Variants in R3HDM1 observed in about 807,000 individuals in gnomAD.
R3HDM1 encodes the protein R3H domain-containing protein 1.
In R3HDM1, 46 loss-of-function variants were observed where a neutral mutation model predicts 141.1. That is an observed-to-expected ratio of 0.33 (90% CI 0.26 to 0.42). R3HDM1 has a LOEUF of 0.42. Ranked by LOEUF, R3HDM1 falls within the 10% of genes least tolerant of loss-of-function variation. The pLI is 1.00. For synonymous variants in R3HDM1, 435 were observed against 472.9 expected, an observed-to-expected ratio of 0.92 and a Z score of 1.04; for missense variants, 1,184 against 1,368.3, an observed-to-expected ratio of 0.87 and a Z score of 2.12.
chr2:135,592,321 C>T (rs58102824), intron 1 of R3HDM1, among the ~76,000 whole-genome samples: 14,191 of 152,246 alleles, frequency 0.093, 914 homozygotes, highest in South Asian at 0.31. Context: ...TTCCATTACA[C>T]AATATCTTAT....
intron 1 of R3HDM1, among the ~76,000 whole-genome samples, chr2:135,580,905 C>A (rs1706659326): frequency 6.6e-6 from 1 of 152,112 alleles, no homozygotes; most frequent in Non-Finnish European, 1.5e-5. Flanking sequence ...TGTCTTATTT[C>A]TTTCCCTGGC....
intron 18 of R3HDM1, among the ~76,000 whole-genome samples, chr2:135,654,865 TGTGTGTG>T (rs1458146937): frequency 1.7e-5 from 1 of 58,262 alleles, no homozygotes; most frequent in Non-Finnish European, 2.6e-5. Context: ...GTATATAAAG[TGTGTGTG>T]TGTGTGTGTG....
intron 1 of R3HDM1, among the ~76,000 whole-genome samples, chr2:135,549,561 CAAAAAA>C (rs1236257586): frequency 1.5e-5 from 1 of 67,478 alleles, no homozygotes; most frequent in African/African-American, 5.0e-5. Flanking sequence ...AACTCTGCCT[CAAAAAA>C]AAAAAAAAAA....
intron 23 of R3HDM1, among the ~76,000 whole-genome samples, chr2:135,714,810 A>T (rs2076006630): frequency 6.6e-6 from 1 of 152,120 alleles, no homozygotes; most frequent in Admixed American, 6.6e-5. Context: ...AGTGTAATAA[A>T]AGTTAAGATC....
intron 25 of R3HDM1, 27 bp downstream of exon 25, chr2:135,722,033 C>T (rs1424526409): frequency 6.3e-7 from 1 of 1,586,732 alleles, no homozygotes; most frequent in East Asian, 2.2e-5. Context: ...ACCTCCTAGG[C>T]TTTGTTGCAG....
At chr2:135,721,884 G>A (rs770853917) in intron 24 of R3HDM1, 40 bp from the exon 25 acceptor site, 5 of 1,567,876 alleles carry the variant, frequency 3.2e-6, no homozygotes, top group Middle Eastern at 1.7e-4. Context: ...CACCGTGCCC[G>A]GCCTCTGGCA....
At chr2:135,578,728 A>G (rs1273050689) in intron 1 of R3HDM1, among the ~76,000 whole-genome samples, 1 of 152,262 alleles carries the variant, frequency 6.6e-6, no homozygotes, top group Admixed American at 6.5e-5. Flanking sequence ...TATTGTAAGT[A>G]GTAAATGTGT....
At position 135,563,318 on chromosome 2, in the gene R3HDM1, T is replaced by C. The variant is rs1461945916; in HGVS notation, c.-250+31685T>C. On this transcript the variant is annotated intron_variant, in intron 1 of 26. Coordinates refer to ENST00000683871, the MANE Select transcript of R3HDM1 (RefSeq NM_001378107.1). ...AAAGCAAGAAAAATCTTCTTTTTTC[T>C]AAAAACTTTGGTGCATTTCCTGATT... Among the ~76,000 whole-genome samples, 5 of 152,366 alleles carry C rather than the reference T, an allele frequency of 3.3e-5. No individual in the cohort carries two copies. The East Asian group carries it at 7.7e-4, about 23-fold the overall frequency.
intron 1 of R3HDM1, among the ~76,000 whole-genome samples, chr2:135,548,322 C>T (rs181207902): frequency 9.2e-5 from 14 of 152,244 alleles, no homozygotes; most frequent in Admixed American, 5.9e-4. Flanking sequence ...ATGTTTTATG[C>T]ATTTTAAATT....
At chr2:135,693,226 G>A (rs1403262124) in intron 21 of R3HDM1, among the ~76,000 whole-genome samples, 6 of 152,196 alleles carry the variant, frequency 3.9e-5, no homozygotes, top group African/African-American at 1.4e-4. Flanking sequence ...AGTGTTCTTT[G>A]TCATCAAGTT....
chr2:135,710,208 A>G lies in R3HDM1; in HGVS notation c.2713A>G (p.Ser905Gly), dbSNP rs1423902344. 1.2e-6 allele frequency: 2 copies of G among 1,614,054 alleles called. No individual in the cohort carries two copies. Among genetic ancestry groups the G allele is most frequent in the Admixed American group, 3.3e-5 (2 of 59,992 alleles). ...GAGAGGACAGAAGTGTGTAGAATTTAGCAGTGTAGACAATATTGTCCAGGT... is the reference window on the plus strand; with the variant it reads ...GAGAGGACAGAAGTGTGTAGAATTTGGCAGTGTAGACAATATTGTCCAGGT... ...HQRGQKCVEFSSVDNIVQHSP... is the reference protein window; with the variant it reads ...HQRGQKCVEFGSVDNIVQHSP... The change falls in exon 23 of 27, where the codon AGC becomes GGC. Residue 905 changes from serine (S) to glycine (G), a missense_variant. By Grantham distance (56) the Ser-to-Gly change is moderately conservative. Around this residue, in one of 5 missense-constraint regions of R3HDM1, gnomAD observed 563 missense variants for 562.0 expected, o/e 1.00. Coordinates refer to ENST00000683871, the MANE Select transcript of R3HDM1 (RefSeq NM_001378107.1).
intron 11 of R3HDM1, 54 bp from the exon 12 acceptor site, chr2:135,638,564 C>T (rs2063484235): frequency 6.6e-7 from 1 of 1,506,408 alleles, no homozygotes; most frequent in South Asian, 1.1e-5. Flanking sequence ...TTACAGATGG[C>T]ATTACGTTAT....
chr2:135,640,225 T>G (rs2105244092), intron 14 of R3HDM1, among the ~76,000 whole-genome samples: 1 of 152,354 alleles, frequency 6.6e-6, no homozygotes, highest in South Asian at 2.1e-4. Flanking sequence ...TAATCAGTGC[T>G]TTAAATTATT....
intron 3 of R3HDM1, among the ~76,000 whole-genome samples, chr2:135,608,380 T>G (rs1440178174): frequency 6.6e-6 from 1 of 152,010 alleles, no homozygotes; most frequent in African/African-American, 2.4e-5. Flanking sequence ...TGCTTTGAGC[T>G]TTTGAGGCCC....
chr2:135,583,079 GA>G (rs1707170327), intron 1 of R3HDM1, among the ~76,000 whole-genome samples: 1 of 152,122 alleles, frequency 6.6e-6, no homozygotes, highest in African/African-American at 2.4e-5. Flanking sequence ...TCACACCCAA[GA>G]AATTTAACGT....
chr2:135,621,638 A>T, intron 6 of R3HDM1, 30 bp downstream of exon 6: 1 of 1,514,098 alleles, frequency 6.6e-7, no homozygotes, highest in Non-Finnish European at 8.9e-7. Flanking sequence ...TTTTTTAAAA[A>T]AAAATTTTGC....
At position 135,531,652 on chromosome 2, in the gene R3HDM1, T is replaced by A. The variant is rs1694709639; in HGVS notation, c.-250+19T>A. ...AACGCGGGTAAGAGATGCCCTTCCC[T>A]CCCCCGTCCAGCTCCCCGGGAATAA... On this transcript the variant is annotated intron_variant, in intron 1 of 26. Coordinates refer to ENST00000683871, the MANE Select transcript of R3HDM1 (RefSeq NM_001378107.1). 1 of 985,496 alleles carries A rather than the reference T, an allele frequency of 1.0e-6. No individual in the cohort carries two copies. The highest frequency in any genetic ancestry group is 1.8e-5 in the African/African-American group (1 of 57,016). 61.0% of individuals were successfully genotyped at this position (985,496 alleles called of 1,614,324 possible). A position where few individuals can be genotyped will look rare whatever the true frequency, so the allele number is the denominator to read the frequency against.
At chr2:135,567,537 A>G (rs767098921) in intron 1 of R3HDM1, among the ~76,000 whole-genome samples, 4 of 152,130 alleles carry the variant, frequency 2.6e-5, no homozygotes, top group Non-Finnish European at 5.9e-5. Flanking sequence ...TCGCCTCTAG[A>G]GCTTAGTATC....
chr2:135,632,039 AAAT>A, intron 9 of R3HDM1, 38 bp downstream of exon 9: 1 of 1,429,132 alleles, frequency 7.0e-7, no homozygotes, highest in Non-Finnish European at 9.5e-7. Flanking sequence ...TTATATATCT[AAAT>A]AATAATACTT....
Sources: gnomAD v4.1 joint callset for allele counts (sites outside exome capture counted in the v4.1 genomes callset) on GRCh38, gnomAD v4.1.1 for gene constraint, gnomAD v4.1.1 regional missense constraint, MANE v1.5 for transcripts, NCBI Gene and HGNC (gene_info 2026-07-23, HGNC 2026-07-21) for gene names.